PGM2: variants seen among roughly 807,000 people sequenced by gnomAD.
The protein encoded by PGM2 is phosphopentomutase.
Under a neutral mutation model 74.6 loss-of-function variants are expected in PGM2, and 57 were observed. The ratio of observed to expected loss-of-function variants is 0.76; its 90% confidence interval spans 0.62 to 0.95. The LOEUF is 0.95. Ranked by LOEUF, PGM2 falls within the 40% of genes least tolerant of loss-of-function variation. The probability of loss-of-function intolerance (pLI) is 0.00; values close to 1 mark genes in which losing one functional copy is unlikely to be tolerated. For missense variants in PGM2, 706 were observed against 741.9 expected (o/e 0.95, Z 0.56); for synonymous variants, 273 against 260.7 (o/e 1.05, Z -0.46).
chr4:37,850,634 CTA>C (rs1161629394), intron 12 of PGM2, among the ~76,000 whole-genome samples: 3 of 152,126 alleles, frequency 2.0e-5, no homozygotes, highest in South Asian at 4.1e-4. Flanking sequence ...AACCCGGTCT[CTA>C]TTAAAAAATA....
chr4:37,853,757 G>T (rs1415246351), intron 12 of PGM2, among the ~76,000 whole-genome samples: 1 of 152,116 alleles, frequency 6.6e-6, no homozygotes, highest in African/African-American at 2.4e-5. Flanking sequence ...GCGGAGCTGG[G>T]GGTGTCAGCC....
At chr4:37,859,514 C>G (rs1711692999) in intron 13 of PGM2, among the ~76,000 whole-genome samples, 1 of 152,168 alleles carries the variant, frequency 6.6e-6, no homozygotes, top group Admixed American at 6.6e-5. Context: ...AACCTCAGTT[C>G]CATTCCTGAT....
At chr4:37,831,909 G>T (rs1168593383) in intron 2 of PGM2, among the ~76,000 whole-genome samples, 2 of 152,184 alleles carry the variant, frequency 1.3e-5, no homozygotes, top group African/African-American at 4.8e-5. Context: ...AATCCAGTTG[G>T]TTACACCTGC....
At chr4:37,828,817 A>G (rs954392106) in intron 1 of PGM2, among the ~76,000 whole-genome samples, 9 of 152,268 alleles carry the variant, frequency 5.9e-5, no homozygotes, top group African/African-American at 2.2e-4. Flanking sequence ...AGCCTCTTTT[A>G]TGTACCTGAT....
At chr4:37,831,983 T>C (rs937375393) in intron 2 of PGM2, among the ~76,000 whole-genome samples, 1 of 152,248 alleles carries the variant, frequency 6.6e-6, no homozygotes, top group Non-Finnish European at 1.5e-5. Flanking sequence ...TTTTCCCCTG[T>C]ATTTTTCTAT....
At position 37,841,094 on chromosome 4, in the gene PGM2, A is replaced by ATGTGTG. The variant is rs767857815; in HGVS notation, c.719+836_719+837insGTGTGT. On this transcript the variant is annotated intron_variant, in intron 6 of 13. Coordinates refer to ENST00000381967, the MANE Select transcript of PGM2 (RefSeq NM_018290.4). ...AGCGTATATATATATATATATATAT[A>ATGTGTG]TATATATGTGTGTGTGTGTGTTTGT... 5.0e-3 allele frequency among the ~76,000 whole-genome samples: 573 copies of ATGTGTG among 115,642 alleles called. 2 individuals carry two copies. The highest frequency in any genetic ancestry group is 0.017 in the African/African-American group (449 of 26,894). The allele number at this position is 115,642 out of a possible 152,430, so 75.9% of individuals were successfully genotyped here.
intron 3 of PGM2, among the ~76,000 whole-genome samples, chr4:37,836,248 G>C (rs1346692816): frequency 6.6e-6 from 1 of 152,180 alleles, no homozygotes; most frequent in African/African-American, 2.4e-5. Flanking sequence ...TATGGTTCAA[G>C]TCTCAGAGTT....
intron 4 of PGM2, chr4:37,839,523 G>A (rs1489376745): frequency 2.0e-6 from 1 of 494,670 alleles, no homozygotes; most frequent in South Asian, 1.5e-5. Flanking sequence ...TCAGGTAGAA[G>A]CATTGAAAGC....
intron 12 of PGM2, among the ~76,000 whole-genome samples, chr4:37,853,382 T>A (rs62850461): frequency 1.2e-4 from 14 of 121,014 alleles, no homozygotes; most frequent in African/African-American, 4.3e-4. Context: ...TTTTTTTTTT[T>A]AATGTAAACA....
chr4:37,860,185 A>G (rs1711719614), intron 13 of PGM2, among the ~76,000 whole-genome samples: 1 of 152,240 alleles, frequency 6.6e-6, no homozygotes, highest in Admixed American at 6.6e-5. Context: ...TTTTAAGTAT[A>G]CTTTAAAAAA....
intron 2 of PGM2, among the ~76,000 whole-genome samples, chr4:37,830,723 A>G (rs559433978): frequency 1.3e-5 from 2 of 152,332 alleles, no homozygotes; most frequent in South Asian, 2.1e-4. Flanking sequence ...TCACATCAGT[A>G]TTTCTTCACC....
intron 1 of PGM2, among the ~76,000 whole-genome samples, chr4:37,827,608 C>T (rs2152173546): frequency 6.6e-6 from 1 of 152,220 alleles, no homozygotes; most frequent in South Asian, 2.1e-4. Context: ...AGAGTCAGTC[C>T]TTCCTTGGCT....
intron 6 of PGM2, among the ~76,000 whole-genome samples, chr4:37,840,827 A>C (rs771259828): frequency 5.3e-5 from 8 of 152,242 alleles, no homozygotes; most frequent in Middle Eastern, 3.4e-3. Flanking sequence ...AAAAGCCATC[A>C]TAGATGAAAT....
rs1294899946 is a variant in PGM2, at chr4:37,829,956, T to C, written c.82-8T>C. On this transcript the variant is annotated splice_polypyrimidine_tract_variant and splice_region_variant and intron_variant, in intron 1 of 13. Transcript: ENST00000381967. ...GTCTGGCTGTGTCTATACATTTTTG[T>C]TTTTCAGAATTCCTTAACTTTGGAG... is the stretch of plus-strand genomic sequence containing the variant. 2 of 1,574,060 alleles carry C rather than the reference T, an allele frequency of 1.3e-6. No individual in the cohort carries two copies. The highest frequency in any genetic ancestry group is 1.2e-5 in the South Asian group (1 of 84,190).
rs1393947077 is a variant in PGM2, at chr4:37,837,585, T to C, written c.413T>C (p.Phe138Ser). The change falls in exon 4 of 14, where the codon TTT (phenylalanine) becomes TCT (serine). Residue 138 changes from phenylalanine to serine, a missense_variant. Phe to Ser is a radical substitution (Grantham distance 155, BLOSUM62 -2). Coordinates refer to ENST00000381967, the MANE Select transcript of PGM2 (RefSeq NM_018290.4). Reference protein sequence around the residue: ...FISQGIPVYLFSDITPTPFVP... With the variant: ...FISQGIPVYLSSDITPTPFVP... The stretch of plus-strand genomic sequence containing the variant: ...AGTCAGGGGATTCCTGTGTACCTCT[T>C]TTCTGATATAACGCCAACCCCCTTT... The C allele has an allele frequency of 1.2e-6, 2 of 1,612,838 alleles. No homozygotes were observed. Among genetic ancestry groups the C allele is most frequent in the East Asian group, 2.2e-5 (1 of 44,872 alleles).
At chr4:37,842,780 C>T (rs1389080419) in intron 6 of PGM2, among the ~76,000 whole-genome samples, 1 of 152,066 alleles carries the variant, frequency 6.6e-6, no homozygotes. Flanking sequence ...CCTGCCTCAG[C>T]CCTCTGAGTA....
intron 2 of PGM2, among the ~76,000 whole-genome samples, chr4:37,831,886 G>A (rs1018551303): frequency 6.6e-6 from 1 of 152,170 alleles, no homozygotes; most frequent in African/African-American, 2.4e-5. Context: ...TATTACTGGG[G>A]CCATCTTTGG....
chr4:37,834,867 C>A, intron 3 of PGM2, 143 bp downstream of exon 3: 1 of 457,378 alleles, frequency 2.2e-6, no homozygotes, highest in Non-Finnish European at 4.0e-6. Context: ...CTCTTGGCAA[C>A]TTTTAAAGAT....
chr4:37,842,326 T>G lies in PGM2; in HGVS notation c.720-2038T>G, dbSNP rs981798151. ...GTCTTATTTTATAGCTTCTGGGTTT[T>G]ATGTCATGCTTAGGAAGACATGCTC... On this transcript the variant is annotated intron_variant, in intron 6 of 13. Transcript: ENST00000381967. Among the ~76,000 whole-genome samples, 13 of 151,750 alleles carry G rather than the reference T, an allele frequency of 8.6e-5. No homozygotes were observed. The East Asian group carries it at 2.5e-3, about 29-fold the overall frequency.
Sources: gnomAD v4.1 joint callset for allele counts (sites outside exome capture counted in the v4.1 genomes callset) on GRCh38, gnomAD v4.1.1 for gene constraint, MANE v1.5 for transcripts, NCBI Gene and HGNC (gene_info 2026-07-23, HGNC 2026-07-21) for gene names.